Variants in PLSCR5 observed in about 807,000 individuals in gnomAD.
PLSCR5 encodes the protein phospholipid scramblase family member 5.
In PLSCR5, 44 loss-of-function variants were observed where a neutral mutation model predicts 33.6. The ratio of observed to expected loss-of-function variants is 1.31; its 90% CI spans 1.03 to 1.69. The LOEUF (loss-of-function observed/expected upper bound fraction) is 1.69. Ranked by LOEUF, PLSCR5 falls within the 40% of genes most tolerant of loss-of-function variation. The pLI is 0.00. For synonymous variants in PLSCR5, 148 were observed against 112.3 expected, an observed-to-expected ratio of 1.32 and a Z score of -2.01; for missense variants, 375 against 318.7, an observed-to-expected ratio of 1.18 and a Z score of -1.34.
In PLSCR5 at chr3:146,589,784, C is replaced by T; in HGVS notation, c.646G>A (p.Gly216Arg). ...CCTGACCAGTACTTTGAAATCTTCC[C>T]AATTGTAAGCTTTTCATTAATGGTT... ...VKTINEKLTI[G>R]KISKYWSGFV... The change falls in exon 6 of 8, where the codon GGG becomes AGG. Residue 216 changes from glycine to arginine, a missense_variant. By Grantham distance (125) the Gly-to-Arg change is moderately radical (BLOSUM62 -2). Coordinates refer to ENST00000443512, the MANE Select transcript of PLSCR5 (RefSeq NM_001085420.2). 1 of 1,556,790 alleles carries T rather than the reference C, an allele frequency of 6.4e-7. No individual in the cohort carries two copies. The highest frequency in any genetic ancestry group is 8.8e-7 in the Non-Finnish European group (1 of 1,139,926).
intron 1 of PLSCR5, among the ~76,000 whole-genome samples, chr3:146,604,036 T>C (rs959270921): frequency 3.3e-5 from 5 of 152,080 alleles, no homozygotes; most frequent in South Asian, 2.1e-4. Flanking sequence ...CAAAAGTGTG[T>C]TTTGATAAAG....
intron 1 of PLSCR5, among the ~76,000 whole-genome samples, chr3:146,602,032 GC>G (rs1447004738): frequency 6.6e-6 from 1 of 152,024 alleles, no homozygotes; most frequent in African/African-American, 2.4e-5. Context: ...ATGTAGACAT[GC>G]TTTATGGTTA....
Position 146,605,099 on chromosome 3 carries a change from G to C in PLSCR5, c.13+101C>G, listed in dbSNP as rs9818634. On this transcript the variant is annotated intron_variant, in intron 1 of 7. Transcript: ENST00000443512. ...CAATGTTCAAAAGTGACAAATGACA[G>C]CTTTTAAAGTACCAATCTAACTGGT... is the stretch of plus-strand genomic sequence containing the variant. 51,013 of 1,195,444 alleles carry C rather than the reference G, an allele frequency of 0.043. 1,244 individuals are homozygous for C. The highest frequency in any genetic ancestry group is 0.048 in the Non-Finnish European group (41,210 of 859,470). 74.1% of individuals were successfully genotyped at this position (1,195,444 alleles called of 1,614,324 possible).
chr3:146,590,962 C>T (rs72988650), intron 5 of PLSCR5, among the ~76,000 whole-genome samples: 1 of 150,074 alleles, frequency 6.7e-6, no homozygotes, highest in African/African-American at 2.4e-5. Flanking sequence ...TTTAAATATT[C>T]AATTTATACA....
intron 2 of PLSCR5, among the ~76,000 whole-genome samples, chr3:146,598,166 T>C (rs1053558461): frequency 2.0e-5 from 3 of 152,158 alleles, no homozygotes; most frequent in Non-Finnish European, 4.4e-5. Context: ...AAATATTTTA[T>C]TTAAATTTTT....
Position 146,604,309 on chromosome 3 carries a change from C to T in PLSCR5, c.13+891G>A, listed in dbSNP as rs186597703. 9.9e-5 allele frequency among the ~76,000 whole-genome samples: 15 copies of T among 152,158 alleles called. No homozygotes were observed. The East Asian group carries it at 2.9e-3, about 29-fold the overall frequency. On this transcript the variant is annotated intron_variant, in intron 1 of 7. Coordinates refer to ENST00000443512, the MANE Select transcript of PLSCR5 (RefSeq NM_001085420.2). ...AGATTGCAACTTACTTTAAAAACAA[C>T]TACATCTCTTGTCTTTTTAGACCTT...
chr3:146,595,159 C>G, intron 2 of PLSCR5, 76 bp from the exon 3 acceptor site: 3 of 725,908 alleles, frequency 4.1e-6, no homozygotes, highest in Non-Finnish European at 6.1e-6. Flanking sequence ...TACTAGTACC[C>G]TATTTACTAT....
chr3:146,594,286 C>G lies in PLSCR5; in HGVS notation c.233-146G>C, dbSNP rs1174182118. 7.9e-6 allele frequency: 5 copies of G among 635,172 alleles called. No individual in the cohort carries two copies. The African/African-American group carries it at 9.2e-5, about 12-fold the overall frequency. 39.3% of individuals were successfully genotyped at this position (635,172 alleles called of 1,614,324 possible). On this transcript the variant is annotated intron_variant, in intron 3 of 7. Transcript: ENST00000443512. Reference sequence around the variant, plus strand: ...TTCTTCACACAAATTTATTTCTATGCTCTAAATTTTTAGGACTTAGCCATG... The same window carrying G: ...TTCTTCACACAAATTTATTTCTATGGTCTAAATTTTTAGGACTTAGCCATG...
chr3:146,584,961 T>C (rs1034336347), downstream of PLSCR5, among the ~76,000 whole-genome samples: 4 of 152,162 alleles, frequency 2.6e-5, no homozygotes, highest in Admixed American at 2.0e-4. Context: ...GTGGTATTTG[T>C]GTAAGTCTAA....
At chr3:146,586,258 T>G (rs1160660745) in intron 6 of PLSCR5, 146 bp from the exon 7 acceptor site, 10 of 849,522 alleles carry the variant, frequency 1.2e-5, no homozygotes, top group Non-Finnish European at 1.6e-5. Context: ...AAGAAAAATT[T>G]AAAAGTCTTA....
chr3:146,591,913 T>A, intron 4 of PLSCR5, 32 bp from the exon 5 acceptor site: 1 of 1,507,916 alleles, frequency 6.6e-7, no homozygotes, highest in Non-Finnish European at 8.9e-7. Context: ...AAATAAGATT[T>A]TCTTAGGTTA....
intron 1 of PLSCR5, among the ~76,000 whole-genome samples, chr3:146,601,272 G>A (rs551955487): frequency 2.0e-5 from 3 of 151,874 alleles, no homozygotes; most frequent in East Asian, 3.8e-4. Flanking sequence ...TGCAAAAGTC[G>A]TTTTGTTTAA....
intron 2 of PLSCR5, among the ~76,000 whole-genome samples, chr3:146,596,211 C>T (rs983020743): frequency 1.3e-5 from 2 of 152,092 alleles, no homozygotes; most frequent in African/African-American, 4.8e-5. Flanking sequence ...TTTTTTGAGA[C>T]AGAGTTCAGC....
At position 146,588,490 on chromosome 3, in the gene PLSCR5, A is replaced by T. The variant is rs573256094; in HGVS notation, c.777+1163T>A. 9.9e-5 allele frequency among the ~76,000 whole-genome samples: 15 copies of T among 152,170 alleles called. 1 individual carries two copies. The highest frequency in any genetic ancestry group is 3.6e-4 in the African/African-American group (15 of 41,524). On this transcript the variant is annotated intron_variant, in intron 6 of 7. Transcript: ENST00000443512. The stretch of plus-strand genomic sequence containing the variant: ...TATCTCAAAAAATAGAACAAAAAAT[A>T]AAACAAAAACAAAAATGCCAATGTC...
Position 146,600,334 on chromosome 3 carries a change from A to G in PLSCR5, c.143T>C (p.Phe48Ser). 1 of 1,605,954 alleles carries G rather than the reference A, an allele frequency of 6.2e-7. No homozygotes were observed. Among genetic ancestry groups the G allele is most frequent in the Non-Finnish European group, 8.5e-7 (1 of 1,175,532 alleles). The change falls in exon 2 of 8, where the codon TTC becomes TCC. Residue 48 changes from phenylalanine (F) to serine (S), a missense_variant. Physicochemically the swap from Phe to Ser is radical, Grantham distance 155. Coordinates refer to ENST00000443512, the MANE Select transcript of PLSCR5 (RefSeq NM_001085420.2). ...WQLSLPLPSSFLPTVSLPPGL... is the reference protein window; with the variant it reads ...WQLSLPLPSSSLPTVSLPPGL... ...AGGAGGGAGACTGACTGTTGGCAGGAAACTGCTTGGCAGAGGGAGACTCAG... is the reference window on the plus strand; with the variant it reads ...AGGAGGGAGACTGACTGTTGGCAGGGAACTGCTTGGCAGAGGGAGACTCAG...
downstream of PLSCR5, among the ~76,000 whole-genome samples, chr3:146,581,752 G>A (rs1012480531): frequency 6.6e-6 from 1 of 152,092 alleles, no homozygotes; most frequent in African/African-American, 2.4e-5. Context: ...ATTCTACAAT[G>A]TATAGATATA....
intron 4 of PLSCR5, among the ~76,000 whole-genome samples, chr3:146,592,844 T>A (rs1311361444): frequency 6.6e-6 from 1 of 152,132 alleles, no homozygotes; most frequent in Non-Finnish European, 1.5e-5. Context: ...TTATCAAAAA[T>A]TTTAAAATGA....
chr3:146,579,265 GA>G (rs1318361885), intron 7 of PLSCR5, among the ~76,000 whole-genome samples: 1 of 151,788 alleles, frequency 6.6e-6, no homozygotes, highest in African/African-American at 2.4e-5. Context: ...GTATAGAAAG[GA>G]AAAAATGCTT....
chr3:146,585,916 A>T lies in PLSCR5; in HGVS notation c.*71T>A, dbSNP rs1341522099. 2 of 705,920 alleles carry T rather than the reference A, an allele frequency of 2.8e-6. No individual in the cohort carries two copies. The highest frequency in any genetic ancestry group is 8.7e-5 in the Admixed American group (2 of 23,020). The allele number at this position is 705,920 out of a possible 1,614,324, so 43.7% of individuals were successfully genotyped here. A position where few individuals can be genotyped will look rare whatever the true frequency, so the allele number is the denominator to read the frequency against. On this transcript the variant is annotated 3_prime_UTR_variant, in exon 8 of 8. Coordinates refer to ENST00000443512, the MANE Select transcript of PLSCR5 (RefSeq NM_001085420.2). ...AAAAGCAAACATTCAAACCATTCAG[A>T]AATGAAATCCAGAGCCCAAGGGATT...
Sources: gnomAD v4.1 joint callset for allele counts (sites outside exome capture counted in the v4.1 genomes callset) on GRCh38, gnomAD v4.1.1 for gene constraint, MANE v1.5 for transcripts, NCBI Gene and HGNC (gene_info 2026-07-23, HGNC 2026-07-21) for gene names.